The following DLGAP2 variants were observed in gnomAD, a reference collection of about 807,000 sequenced individuals.
DLGAP2 encodes the protein DLG associated protein 2, also known as disks large-associated protein 2.
A neutral mutation model predicts 100.3 loss-of-function variants in DLGAP2; 26 were observed. The observed-to-expected ratio is 0.26, with a 90% CI of 0.19 to 0.36. The LOEUF (loss-of-function observed/expected upper bound fraction) is 0.36, where lower values mean the gene tolerates loss of function less well. Among genes scored for constraint, DLGAP2 ranks in the 10% least tolerant of loss-of-function variants. The pLI is 1.00. For missense variants in DLGAP2, 1,858 were observed against 1,453.2 expected (o/e 1.28, Z -4.53); for synonymous variants, 886 against 630.1 (o/e 1.41, Z -6.08).
chr8:765,466 C>G (rs1186346640), intron 1 of DLGAP2, among the ~76,000 whole-genome samples: 4 of 151,970 alleles, frequency 2.6e-5, no homozygotes, highest in African/African-American at 9.7e-5. Context: ...TTGACTTGTG[C>G]TGGAACCAAA....
rs572207185 is a variant in DLGAP2 at position 1,447,398 on chromosome 8, G to C, written c.107-53968G>C. On this transcript the variant is annotated intron_variant, in intron 3 of 14. Coordinates refer to ENST00000637795, the MANE Select transcript of DLGAP2 (RefSeq NM_001346810.2). ...TATGCTGGATTACATTTATTGATTT[G>C]CATATGTTGAACCATCCTTGCATCC... 3.2e-4 allele frequency among the ~76,000 whole-genome samples: 48 copies of C among 152,250 alleles called. No homozygotes were observed. In the East Asian group the frequency reaches 9.3e-3, roughly 29 times the overall value.
chr8:1,092,831 G>A (rs961765486), intron 2 of DLGAP2, among the ~76,000 whole-genome samples: 6 of 152,200 alleles, frequency 3.9e-5, no homozygotes, highest in Non-Finnish European at 7.3e-5. Flanking sequence ...CGGATTCCTG[G>A]AAGGCCAGGA....
At chr8:1,000,688 T>C (rs1800930014) in intron 2 of DLGAP2, among the ~76,000 whole-genome samples, 1 of 152,230 alleles carries the variant, frequency 6.6e-6, no homozygotes. Flanking sequence ...TTTGCTTTGA[T>C]GTGGATAAAT....
intron 2 of DLGAP2, among the ~76,000 whole-genome samples, chr8:1,125,572 C>T (rs1457433773): frequency 6.6e-6 from 1 of 152,152 alleles, no homozygotes; most frequent in East Asian, 1.9e-4. Context: ...TTTCTTCTTG[C>T]GATCTAATCT....
At chr8:1,696,424 C>T (rs917008775) in intron 13 of DLGAP2, among the ~76,000 whole-genome samples, 1 of 152,094 alleles carries the variant, frequency 6.6e-6, no homozygotes, top group Admixed American at 6.6e-5. Context: ...CCCTTCAGCC[C>T]AGGAGGTAGA....
At chr8:1,073,387 A>AT (rs1336247515) in intron 2 of DLGAP2, among the ~76,000 whole-genome samples, 1 of 152,048 alleles carries the variant, frequency 6.6e-6, no homozygotes, top group Admixed American at 6.6e-5. Context: ...TCACTCTGAA[A>AT]TTTTTTTTAA....
intron 2 of DLGAP2, among the ~76,000 whole-genome samples, chr8:1,177,473 G>A (rs1018060452): frequency 4.6e-5 from 7 of 152,010 alleles, no homozygotes; most frequent in African/African-American, 1.7e-4. Flanking sequence ...CACGAGACCC[G>A]ATTCTGAATG....
intron 4 of DLGAP2, among the ~76,000 whole-genome samples, chr8:1,535,373 A>G (rs562374875): frequency 6.2e-4 from 95 of 152,290 alleles, no homozygotes; most frequent in Admixed American, 4.8e-3. Flanking sequence ...TATCCTCTCA[A>G]TCACCCACAA....
chr8:1,298,917 G>C (rs1800260937), intron 3 of DLGAP2, among the ~76,000 whole-genome samples: 1 of 151,986 alleles, frequency 6.6e-6, no homozygotes, highest in South Asian at 2.1e-4. Context: ...AACCCGGGGG[G>C]AGAACCTCTT....
chr8:986,193 C>G (rs896298242), intron 2 of DLGAP2, among the ~76,000 whole-genome samples: 49 of 152,106 alleles, frequency 3.2e-4, no homozygotes, highest in African/African-American at 1.1e-3. Context: ...TCCGGAAGCT[C>G]TTGGGATCCC....
intron 2 of DLGAP2, among the ~76,000 whole-genome samples, chr8:988,737 T>TC (rs1800561164): frequency 6.6e-6 from 1 of 152,112 alleles, no homozygotes; most frequent in Non-Finnish European, 1.5e-5. Context: ...GTTCCTGGCC[T>TC]CCATCTCCAC....
intron 3 of DLGAP2, among the ~76,000 whole-genome samples, chr8:1,447,699 G>A (rs944404678): frequency 6.6e-6 from 1 of 152,190 alleles, no homozygotes; most frequent in Non-Finnish European, 1.5e-5. Context: ...GAATTCGGCT[G>A]TGAATCCATT....
chr8:1,412,158 A>C (rs1796749674), intron 3 of DLGAP2, among the ~76,000 whole-genome samples: 1 of 152,082 alleles, frequency 6.6e-6, no homozygotes, highest in Admixed American at 6.5e-5. Context: ...CTCCCTTTTT[A>C]GCTCCAGTGC....
At chr8:1,664,596 G>C (rs1326263321) in intron 8 of DLGAP2, among the ~76,000 whole-genome samples, 2 of 152,348 alleles carry the variant, frequency 1.3e-5, no homozygotes, top group East Asian at 3.9e-4. Flanking sequence ...CAACGTGGAA[G>C]AAAGCCCAGG....
At chr8:1,068,594 A>G (rs1243386247) in intron 2 of DLGAP2, among the ~76,000 whole-genome samples, 3 of 151,688 alleles carry the variant, frequency 2.0e-5, no homozygotes, top group Non-Finnish European at 2.9e-5. Context: ...TTTTGCTGCT[A>G]TGTGAGGAGG....
intron 2 of DLGAP2, among the ~76,000 whole-genome samples, chr8:1,209,033 T>G (rs1798052268): frequency 6.6e-6 from 1 of 152,126 alleles, no homozygotes; most frequent in Non-Finnish European, 1.5e-5. Context: ...CATCTCATGC[T>G]CATGGATGGG....
chr8:1,433,407 G>A (rs1228762459), intron 3 of DLGAP2, among the ~76,000 whole-genome samples: 1 of 152,230 alleles, frequency 6.6e-6, no homozygotes, highest in Non-Finnish European at 1.5e-5. Context: ...CGCTGCGGTG[G>A]CCAGGCCCAA....
At chr8:1,144,563 A>G (rs978982951) in intron 2 of DLGAP2, among the ~76,000 whole-genome samples, 6 of 152,224 alleles carry the variant, frequency 3.9e-5, no homozygotes, top group Non-Finnish European at 8.8e-5. Flanking sequence ...TCCAGAAGCT[A>G]CAGGAAATAA....
intron 1 of DLGAP2, among the ~76,000 whole-genome samples, chr8:827,506 T>C (rs1356710830): frequency 6.6e-6 from 1 of 152,244 alleles, no homozygotes; most frequent in Non-Finnish European, 1.5e-5. Flanking sequence ...TAATTACGTG[T>C]ATAACGCTTT....
Sources: allele counts gnomAD v4.1 joint callset (sites outside exome capture counted in the v4.1 genomes callset), GRCh38; gene constraint gnomAD v4.1.1; transcripts MANE v1.5; gene names NCBI Gene and HGNC (gene_info 2026-07-23, HGNC 2026-07-21).